The following BRINP3 variants were observed in gnomAD, a reference collection of about 807,000 sequenced individuals.
BRINP3 encodes BMP/retinoic acid inducible neural specific 3, also known as BMP/retinoic acid-inducible neural-specific protein 3.
Under a neutral mutation model 71.0 loss-of-function variants are expected in BRINP3, and 19 were observed. The ratio of observed to expected loss-of-function variants is 0.27; its 90% CI spans 0.19 to 0.39. The LOEUF is 0.39. Among genes scored for constraint, BRINP3 ranks in the 10% least tolerant of loss-of-function variants. BRINP3 has a pLI of 1.00. For missense variants in BRINP3, 959 were observed against 940.8 expected, an observed-to-expected ratio of 1.02 and a Z score of -0.25; for synonymous variants, 380 against 337.7, an observed-to-expected ratio of 1.13 and a Z score of -1.37.
intron 4 of BRINP3, among the ~76,000 whole-genome samples, chr1:190,249,418 C>A (rs1384979279): frequency 6.6e-6 from 1 of 151,634 alleles, no homozygotes; most frequent in Non-Finnish European, 1.5e-5. Flanking sequence ...GCTTTAATTT[C>A]TAATATTATT....
intron 7 of BRINP3, among the ~76,000 whole-genome samples, chr1:190,136,185 C>T (rs1437715135): frequency 1.3e-5 from 2 of 151,974 alleles, no homozygotes; most frequent in Admixed American, 6.6e-5. Context: ...TCAAAATCTC[C>T]AGAATATAAT....
At chr1:190,439,953 A>C (rs1424157415) in intron 2 of BRINP3, among the ~76,000 whole-genome samples, 1 of 151,932 alleles carries the variant, frequency 6.6e-6, no homozygotes, top group Non-Finnish European at 1.5e-5. Flanking sequence ...GTTTTCACAG[A>C]ACAATACTTT....
At chr1:190,432,604 A>T (rs1285331997) in intron 2 of BRINP3, among the ~76,000 whole-genome samples, 2 of 152,294 alleles carry the variant, frequency 1.3e-5, no homozygotes, top group East Asian at 3.9e-4. Context: ...ACAAGATAAG[A>T]ACTCTCTGCT....
At chr1:190,399,605 T>C (rs902485816) in intron 2 of BRINP3, among the ~76,000 whole-genome samples, 8 of 152,012 alleles carry the variant, frequency 5.3e-5, no homozygotes, top group South Asian at 2.1e-4. Flanking sequence ...CAAGTGAAGC[T>C]GCAAGAGAAA....
chr1:190,466,048 G>C (rs371227217), intron 1 of BRINP3, among the ~76,000 whole-genome samples: 9 of 151,312 alleles, frequency 5.9e-5, no homozygotes, highest in Non-Finnish European at 1.2e-4. Flanking sequence ...GTTATTAAAA[G>C]AATTTTGTCA....
At chr1:190,262,962 G>A (rs2102867285) in intron 4 of BRINP3, among the ~76,000 whole-genome samples, 1 of 152,136 alleles carries the variant, frequency 6.6e-6, no homozygotes, top group East Asian at 1.9e-4. Context: ...TGTGGGAGAA[G>A]AGAAGTATAT....
intron 2 of BRINP3, among the ~76,000 whole-genome samples, chr1:190,284,325 A>G (rs1011255348): frequency 1.3e-5 from 2 of 152,042 alleles, no homozygotes; most frequent in South Asian, 4.1e-4. Context: ...TATTCAAAGA[A>G]AATATTGTTT....
chr1:190,190,826 A>G (rs541211733), intron 6 of BRINP3, among the ~76,000 whole-genome samples: 1 of 152,248 alleles, frequency 6.6e-6, no homozygotes, highest in South Asian at 2.1e-4. Flanking sequence ...CTTGGTCATC[A>G]TCAAATTCCA....
At chr1:190,182,570 TA>T (rs56816636) in intron 6 of BRINP3, among the ~76,000 whole-genome samples, 18,774 of 152,072 alleles carry the variant, frequency 0.12, 1,711 homozygotes, top group South Asian at 0.26. Context: ...TGCTTGATTT[TA>T]AAAAAATTAA....
chr1:190,311,867 A>G (rs1243398590), intron 2 of BRINP3, among the ~76,000 whole-genome samples: 1 of 150,496 alleles, frequency 6.6e-6, no homozygotes, highest in African/African-American at 2.4e-5. Flanking sequence ...AAAGTTTAAA[A>G]ACAACACAAC....
intron 6 of BRINP3, among the ~76,000 whole-genome samples, chr1:190,193,285 T>C (rs1654204209): frequency 1.3e-5 from 2 of 152,102 alleles, no homozygotes; most frequent in South Asian, 4.2e-4. Context: ...AACAAGATGA[T>C]GTTTTAGAAG....
chr1:190,269,643 T>C (rs1661939686), intron 3 of BRINP3, among the ~76,000 whole-genome samples: 1 of 152,028 alleles, frequency 6.6e-6, no homozygotes, highest in Non-Finnish European at 1.5e-5. Context: ...CCACATAGAT[T>C]TGAAAATATA....
chr1:190,146,627 T>C (rs1655912891), intron 7 of BRINP3, among the ~76,000 whole-genome samples: 1 of 152,164 alleles, frequency 6.6e-6, no homozygotes, highest in Non-Finnish European at 1.5e-5. Flanking sequence ...GTATTCATTA[T>C]AGGTAGGAAA....
intron 6 of BRINP3, among the ~76,000 whole-genome samples, chr1:190,194,604 C>T (rs921460573): frequency 2.0e-5 from 3 of 151,946 alleles, no homozygotes; most frequent in South Asian, 2.1e-4. Context: ...TAAAACCAAT[C>T]GTACTATTTT....
intron 2 of BRINP3, among the ~76,000 whole-genome samples, chr1:190,428,842 A>T (rs763257773): frequency 9.2e-5 from 14 of 152,120 alleles, no homozygotes; most frequent in African/African-American, 3.4e-4. Context: ...TATTAAACTT[A>T]TTGCAATAAT....
At chr1:190,225,572 T>G (rs752464825) in intron 6 of BRINP3, among the ~76,000 whole-genome samples, 16 of 152,100 alleles carry the variant, frequency 1.1e-4, no homozygotes, top group Middle Eastern at 3.4e-3. Flanking sequence ...ATAGTAAATT[T>G]TATATGTATG....
chr1:190,219,788 A>C (rs1164466876), intron 6 of BRINP3, among the ~76,000 whole-genome samples: 1 of 151,894 alleles, frequency 6.6e-6, no homozygotes, highest in Non-Finnish European at 1.5e-5. Flanking sequence ...CAGTGAGCCA[A>C]GATCTCACCA....
intron 6 of BRINP3, among the ~76,000 whole-genome samples, chr1:190,222,942 G>A (rs1479947744): frequency 1.3e-5 from 2 of 151,506 alleles, no homozygotes; most frequent in Admixed American, 6.6e-5. Context: ...TAAATTCCTG[G>A]ACACACACAA....
chr1:190,303,547 A>C (rs2103004541), intron 2 of BRINP3, among the ~76,000 whole-genome samples: 1 of 151,922 alleles, frequency 6.6e-6, no homozygotes, highest in Non-Finnish European at 1.5e-5. Context: ...CATTTATTTC[A>C]TTTGTTCCAT....
Sources: gnomAD v4.1 joint callset for allele counts (sites outside exome capture counted in the v4.1 genomes callset) on GRCh38, gnomAD v4.1.1 for gene constraint, MANE v1.5 for transcripts, NCBI Gene and HGNC (gene_info 2026-07-23, HGNC 2026-07-21) for gene names.